FHOD3: variants seen among roughly 807,000 people sequenced by gnomAD.
FHOD3 encodes the protein formin homology 2 domain containing 3.
FHOD3 carries 90 observed loss-of-function variants against 173.0 expected under a neutral mutation model. The ratio of observed to expected loss-of-function variants is 0.52; its 90% CI spans 0.44 to 0.62. The LOEUF (loss-of-function observed/expected upper bound fraction) is 0.62. Among genes scored for constraint, FHOD3 ranks in the 20% least tolerant of loss-of-function variants. The pLI is 0.00. For synonymous variants in FHOD3, 828 were observed against 823.0 expected, an observed-to-expected ratio of 1.01 and a Z score of -0.10; for missense variants, 1,945 against 2,034.7, an observed-to-expected ratio of 0.96 and a Z score of 0.85.
In FHOD3 at chr18:36,744,033, C is replaced by T; in HGVS notation, c.3881C>T (p.Ala1294Val). 1 of 1,614,118 alleles carries T rather than the reference C, an allele frequency of 6.2e-7. No homozygotes were observed. The change falls in exon 23 of 29, where the codon GCC (alanine) becomes GTC (valine). Residue 1294 changes from alanine to valine, a missense_variant and splice_region_variant. This residue lies in a region of FHOD3 where 231 missense variants were observed against 321.9 expected (regional missense o/e 0.72). Transcript: ENST00000590592. The part of the protein sequence containing the change: ...AIGNFLNGTN[A>V]KAFELSYLEK... ...CTTTTATTGATGTTTGCAAAACAGGCCAAAGCGTTTGAGTTAAGCTACCTC... is the reference window on the plus strand; with the variant it reads ...CTTTTATTGATGTTTGCAAAACAGGTCAAAGCGTTTGAGTTAAGCTACCTC...
chr18:36,679,797 A>T (rs2038116038), intron 14 of FHOD3, among the ~76,000 whole-genome samples: 1 of 152,184 alleles, frequency 6.6e-6, no homozygotes, highest in Non-Finnish European at 1.5e-5. Flanking sequence ...TTTGTGACAC[A>T]ATTGATGGTC....
chr18:36,587,085 G>C (rs1399017445), intron 6 of FHOD3, among the ~76,000 whole-genome samples: 3 of 152,144 alleles, frequency 2.0e-5, no homozygotes, highest in Admixed American at 1.3e-4. Context: ...CAGATACAGG[G>C]CATCTTCAAT....
At chr18:36,607,178 CCTAGGCTGTCCATAACCTTCTTTTAGAT>C (rs1333904905) in intron 8 of FHOD3, among the ~76,000 whole-genome samples, 2 of 152,236 alleles carry the variant, frequency 1.3e-5, no homozygotes, top group Non-Finnish European at 2.9e-5. Context: ...TTCCTGGGAC[CCTAGGCTGTCCATAACCTTCTTTTAGAT>C]CTAGGTTGAG....
chr18:36,494,575 C>T (rs2054637934), intron 3 of FHOD3, among the ~76,000 whole-genome samples: 1 of 152,160 alleles, frequency 6.6e-6, no homozygotes, highest in Non-Finnish European at 1.5e-5. Flanking sequence ...TGGCCAAGTG[C>T]AAGCTGTACT....
chr18:36,628,120 G>A (rs1011583667), intron 10 of FHOD3, among the ~76,000 whole-genome samples: 8 of 152,134 alleles, frequency 5.3e-5, no homozygotes, highest in Non-Finnish European at 8.8e-5. Flanking sequence ...AAAAATATAG[G>A]GCAGTCTCCA....
intron 3 of FHOD3, among the ~76,000 whole-genome samples, chr18:36,417,020 G>A (rs186390093): frequency 4.0e-5 from 6 of 149,698 alleles, no homozygotes; most frequent in South Asian, 2.2e-4. Context: ...ATACACACAC[G>A]TACATACACA....
At chr18:36,664,994 G>C (rs1315805170) in intron 14 of FHOD3, among the ~76,000 whole-genome samples, 2 of 152,174 alleles carry the variant, frequency 1.3e-5, no homozygotes, top group Admixed American at 1.3e-4. Flanking sequence ...TCAGGAGGCA[G>C]AGGCAGGAGG....
At position 36,371,971 on chromosome 18, in the gene FHOD3, C is replaced by T. The variant is rs73949454; in HGVS notation, c.273-709C>T. Among the ~76,000 whole-genome samples the T allele has an allele frequency of 2.9e-3, 434 of 150,582 alleles. 4 individuals carry two copies. The highest frequency in any genetic ancestry group is 0.01 in the African/African-American group (418 of 39,888). The stretch of plus-strand genomic sequence containing the variant: ...GGGTAGCCAGGACTCATGTTTTCTC[C>T]CCTTTATCTCCTTCTACCAACTGCT... On this transcript the variant is annotated intron_variant, in intron 2 of 28. Coordinates refer to ENST00000590592, the MANE Select transcript of FHOD3 (RefSeq NM_001281740.3).
intron 1 of FHOD3, among the ~76,000 whole-genome samples, chr18:36,334,317 A>C (rs1292580709): frequency 6.6e-6 from 1 of 152,230 alleles, no homozygotes; most frequent in Non-Finnish European, 1.5e-5. Context: ...AGTTAAGGAG[A>C]GGCAGCTCTT....
At chr18:36,555,916 A>G (rs1468276493) in intron 5 of FHOD3, among the ~76,000 whole-genome samples, 3 of 152,114 alleles carry the variant, frequency 2.0e-5, no homozygotes, top group African/African-American at 7.2e-5. Flanking sequence ...TTTTAATTTT[A>G]GCTGATTTTT....
chr18:36,726,589 A>G (rs1600437777), intron 19 of FHOD3, among the ~76,000 whole-genome samples: 1 of 152,132 alleles, frequency 6.6e-6, no homozygotes, highest in African/African-American at 2.4e-5. Flanking sequence ...TCATTGACCA[A>G]TTTCCTTATT....
At chr18:36,650,005 T>G (rs574131746) in intron 11 of FHOD3, among the ~76,000 whole-genome samples, 21 of 152,328 alleles carry the variant, frequency 1.4e-4, no homozygotes, top group African/African-American at 4.6e-4. Flanking sequence ...CATGGTGCTT[T>G]CTTTCTATCC....
chr18:36,653,446 TG>T, intron 13 of FHOD3, 30 bp downstream of exon 13: 1 of 1,426,380 alleles, frequency 7.0e-7, no homozygotes, highest in Non-Finnish European at 9.5e-7. Context: ...TTCCCTTTTC[TG>T]TAGCTTTCTG....
Position 36,494,487 on chromosome 18 carries a change from C to T in FHOD3, c.338-7445C>T, listed in dbSNP as rs372511028. Among the ~76,000 whole-genome samples, 24 of 152,300 alleles carry T rather than the reference C, an allele frequency of 1.6e-4. No homozygotes were observed. In the East Asian group the frequency reaches 4.2e-3, roughly 27 times the overall value. The stretch of plus-strand genomic sequence containing the variant: ...TGCATTTACTCAAAGGCTAATGCTA[C>T]CCAAATGAGTATACCCCAGGCAGAT... On this transcript the variant is annotated intron_variant, in intron 3 of 28. Transcript: ENST00000590592.
intron 4 of FHOD3, among the ~76,000 whole-genome samples, chr18:36,510,362 A>G (rs746889859): frequency 3.9e-5 from 6 of 152,158 alleles, no homozygotes; most frequent in Admixed American, 2.0e-4. Flanking sequence ...AATTTGGAAG[A>G]TTTTTTTCCA....
chr18:36,529,978 C>A (rs534898588), intron 5 of FHOD3, among the ~76,000 whole-genome samples: 1 of 151,418 alleles, frequency 6.6e-6, no homozygotes, highest in Admixed American at 6.6e-5. Flanking sequence ...ATGTTGAAAA[C>A]CTTGCTTGAG....
At chr18:36,418,455 T>A (rs980812787) in intron 3 of FHOD3, among the ~76,000 whole-genome samples, 1 of 152,212 alleles carries the variant, frequency 6.6e-6, no homozygotes, top group Non-Finnish European at 1.5e-5. Context: ...GCTTTGTATT[T>A]AAGAATTAGA....
chr18:36,622,930 C>T (rs932363757), intron 9 of FHOD3, among the ~76,000 whole-genome samples: 7 of 152,194 alleles, frequency 4.6e-5, no homozygotes, highest in Non-Finnish European at 7.3e-5. Context: ...TGAACAGCAG[C>T]CTCCAATTTC....
intron 20 of FHOD3, among the ~76,000 whole-genome samples, chr18:36,732,508 G>T (rs944910736): frequency 6.6e-6 from 1 of 152,182 alleles, no homozygotes; most frequent in African/African-American, 2.4e-5. Flanking sequence ...GCATATCCAG[G>T]TGTGTTCTCT....
Sources: allele counts gnomAD v4.1 joint callset (sites outside exome capture counted in the v4.1 genomes callset), GRCh38; gene constraint gnomAD v4.1.1; regional missense constraint gnomAD v4.1.1; transcripts MANE v1.5; gene names NCBI Gene and HGNC (gene_info 2026-07-23, HGNC 2026-07-21).